Variants in CNKSR2 observed in about 807,000 individuals in gnomAD.
The protein encoded by CNKSR2 is connector enhancer of kinase suppressor of Ras 2.
Under a neutral mutation model 84.4 loss-of-function variants are expected in CNKSR2, and 14 were observed. The ratio of observed to expected loss-of-function variants is 0.17; its 90% CI spans 0.11 to 0.26. The LOEUF is 0.26. CNKSR2 is among the 10% of genes least tolerant of loss of function. The pLI, the probability that CNKSR2 is intolerant of heterozygous loss-of-function variation, is 1.00. For synonymous variants in CNKSR2, 275 were observed against 277.9 expected (o/e 0.99, Z 0.10); for missense variants, 485 against 771.2 (o/e 0.63, Z 4.40).
intron 8 of CNKSR2, chrX:21,505,648 A>T (rs1009424696): frequency 9.0e-6 from 1 of 110,824 alleles, no homozygotes; most frequent in Non-Finnish European, 1.9e-5. Context: ...CTCTGTCCTC[A>T]CTCTCTTGTT....
intron 4 of CNKSR2, among the ~76,000 whole-genome samples, chrX:21,452,941 T>C (rs905070151): frequency 9.1e-6 from 1 of 109,779 alleles, no homozygotes; most frequent in East Asian, 2.8e-4. Flanking sequence ...CAACCAGTGT[T>C]ACCAAAGTCA....
intron 13 of CNKSR2, among the ~76,000 whole-genome samples, chrX:21,573,259 C>T (rs1369426832): frequency 8.9e-6 from 1 of 112,285 alleles, no homozygotes; most frequent in Non-Finnish European, 1.9e-5. Flanking sequence ...CTCCTAACTG[C>T]TTTCATGAAC....
intron 11 of CNKSR2, among the ~76,000 whole-genome samples, chrX:21,559,427 C>T (rs2092167673): frequency 9.1e-6 from 1 of 110,222 alleles, no homozygotes; most frequent in South Asian, 4.0e-4. Context: ...CTTGGTTGTC[C>T]TCTGGGTGCA....
intron 5 of CNKSR2, among the ~76,000 whole-genome samples, chrX:21,480,326 A>G (rs2091304522): frequency 8.9e-6 from 1 of 111,996 alleles, no homozygotes; most frequent in African/African-American, 3.2e-5. Context: ...AAGTGTATAT[A>G]TATAGTGCCT....
rs1380550150 is a variant in CNKSR2 at position 21,531,925 on chromosome X, A to G, written c.1161A>G (p.Gly387=). The G allele has an allele frequency of 4.1e-6, 5 of 1,206,332 alleles. No individual in the cohort carries two copies. The highest frequency in any genetic ancestry group is 1.8e-5 in the South Asian group (1 of 56,820). The change falls in exon 11 of 22, where the codon GGA becomes GGG. Residue 387 remains glycine, a synonymous_variant. Transcript: ENST00000379510. ...TGGTGGGCAAGCCAGTGCATAAGGG[A>G]TCTGAATCACCAAATTCATTTCTGG... is the stretch of plus-strand genomic sequence containing the variant. The part of the protein sequence containing the change: ...GHMVGKPVHK[G]SESPNSFLDQ...
intron 8 of CNKSR2, among the ~76,000 whole-genome samples, chrX:21,502,645 T>C (rs779057147): frequency 6.3e-5 from 7 of 111,555 alleles, no homozygotes; most frequent in South Asian, 3.7e-4. Context: ...TTGAGAAGTC[T>C]GTGATATTTT....
chrX:21,516,942 G>T (rs1331199007), intron 9 of CNKSR2, among the ~76,000 whole-genome samples: 1 of 111,604 alleles, frequency 9.0e-6, no homozygotes, highest in Non-Finnish European at 1.9e-5. Context: ...TCGTTTTTAT[G>T]ATATGATCTT....
At chrX:21,514,004 T>C (rs1569215398) in intron 8 of CNKSR2, among the ~76,000 whole-genome samples, 1 of 112,314 alleles carries the variant, frequency 8.9e-6, no homozygotes. Context: ...GAAGAAAGTA[T>C]GTATTGCAAG....
chrX:21,527,143 C>A (rs2091843095), intron 10 of CNKSR2, 143 bp downstream of exon 10: 1 of 409,758 alleles, frequency 2.4e-6, no homozygotes, highest in African/African-American at 2.5e-5. Flanking sequence ...AAAATCATTC[C>A]CATTATAGAG....
intron 9 of CNKSR2, among the ~76,000 whole-genome samples, chrX:21,521,683 T>C (rs1045610818): frequency 9.0e-6 from 1 of 110,810 alleles, no homozygotes; most frequent in Non-Finnish European, 1.9e-5. Flanking sequence ...AAGTCTTTAT[T>C]AGTTATATGC....
intron 4 of CNKSR2, among the ~76,000 whole-genome samples, chrX:21,462,875 G>A (rs1006726717): frequency 4.6e-5 from 5 of 109,321 alleles, no homozygotes; most frequent in East Asian, 2.9e-4. Flanking sequence ...CACCACACCC[G>A]GCTAATTTTT....
chrX:21,483,143 A>G (rs779555405), intron 5 of CNKSR2, among the ~76,000 whole-genome samples: 2 of 111,845 alleles, frequency 1.8e-5, no homozygotes, highest in African/African-American at 6.5e-5. Flanking sequence ...ATTACTCACA[A>G]TAGCAAAGAC....
At chrX:21,574,067 A>G (rs754955389) in intron 13 of CNKSR2, among the ~76,000 whole-genome samples, 158 of 111,657 alleles carry the variant, frequency 1.4e-3, no homozygotes, top group Non-Finnish European at 2.3e-3. Context: ...AAATGCCACC[A>G]GTCTCTTTGC....
At chrX:21,507,501 A>C (rs1470840196) in intron 8 of CNKSR2, among the ~76,000 whole-genome samples, 1 of 111,604 alleles carries the variant, frequency 9.0e-6, no homozygotes, top group East Asian at 2.8e-4. Context: ...CAGCCATTAC[A>C]GAAGTTTTTC....
At chrX:21,481,627 G>T (rs745561489) in intron 5 of CNKSR2, among the ~76,000 whole-genome samples, 1 of 111,422 alleles carries the variant, frequency 9.0e-6, no homozygotes, top group South Asian at 3.9e-4. Context: ...CTTGTCAGTT[G>T]ACTTTAATAT....
At chrX:21,576,303 A>AG (rs2092319200) in intron 13 of CNKSR2, among the ~76,000 whole-genome samples, 1 of 112,368 alleles carries the variant, frequency 8.9e-6, no homozygotes, top group Admixed American at 9.4e-5. Flanking sequence ...TGGAAATTAA[A>AG]GAACATACTT....
At chrX:21,462,371 A>G (rs2091072110) in intron 4 of CNKSR2, among the ~76,000 whole-genome samples, 1 of 111,897 alleles carries the variant, frequency 8.9e-6, no homozygotes, top group Non-Finnish European at 1.9e-5. Context: ...TGATTTTTGT[A>G]TGTTGATTTT....
intron 19 of CNKSR2, 76 bp downstream of exon 19, chrX:21,606,955 T>G: frequency 2.0e-6 from 1 of 500,300 alleles, no homozygotes; most frequent in Non-Finnish European, 3.1e-6. Context: ...TAAAAACATA[T>G]GTAGTAGATT....
intron 4 of CNKSR2, among the ~76,000 whole-genome samples, chrX:21,464,557 A>T (rs1042162298): frequency 9.0e-6 from 1 of 111,634 alleles, no homozygotes; most frequent in African/African-American, 3.3e-5. Context: ...GTCTAGGAAG[A>T]TACACAACTT....
Sources: gnomAD v4.1 joint callset for allele counts (sites outside exome capture counted in the v4.1 genomes callset) on GRCh38, gnomAD v4.1.1 for gene constraint, MANE v1.5 for transcripts, NCBI Gene and HGNC (gene_info 2026-07-23, HGNC 2026-07-21) for gene names.